CHST11: variants seen among roughly 807,000 people sequenced by gnomAD.
CHST11 encodes carbohydrate sulfotransferase 11, also known as C4S-1.
In CHST11, 9 loss-of-function variants were observed where a neutral mutation model predicts 30.4. The observed-to-expected ratio is 0.30, with a 90% CI of 0.18 to 0.52. CHST11 has a LOEUF of 0.52. CHST11 is among the 20% of genes least tolerant of loss of function. CHST11 has a pLI of 0.97. For missense variants in CHST11, 348 were observed against 460.6 expected (o/e 0.76, Z 2.24); for synonymous variants, 152 against 187.8 (o/e 0.81, Z 1.56).
chr12:104,750,832 T>G (rs1359029736), intron 2 of CHST11, among the ~76,000 whole-genome samples: 3 of 152,210 alleles, frequency 2.0e-5, no homozygotes, highest in Non-Finnish European at 1.5e-5. Context: ...AGGTGCTTAC[T>G]GTCACCTGAA....
At chr12:104,721,742 G>T (rs968599990) in intron 2 of CHST11, among the ~76,000 whole-genome samples, 3 of 152,128 alleles carry the variant, frequency 2.0e-5, no homozygotes, top group Non-Finnish European at 4.4e-5. Flanking sequence ...TTCACTGAAA[G>T]AACCACTATA....
chr12:104,605,152 C>CA (rs3039180), intron 2 of CHST11, among the ~76,000 whole-genome samples: 1,309 of 93,412 alleles, frequency 0.014, 10 homozygotes, highest in Middle Eastern at 0.063. Flanking sequence ...ATCCCCTCTC[C>CA]AAAAAAAAAA....
intron 2 of CHST11, among the ~76,000 whole-genome samples, chr12:104,712,616 C>G (rs2040096537): frequency 6.6e-6 from 1 of 152,130 alleles, no homozygotes; most frequent in Non-Finnish European, 1.5e-5. Context: ...AAGGAGCTGG[C>G]CACGTCTACA....
At chr12:104,512,486 G>T (rs2037975163) in intron 1 of CHST11, among the ~76,000 whole-genome samples, 1 of 152,200 alleles carries the variant, frequency 6.6e-6, no homozygotes, top group African/African-American at 2.4e-5. Flanking sequence ...AGGCCTTAGA[G>T]TTGGGGTGAT....
chr12:104,695,828 G>A (rs312144), intron 2 of CHST11, among the ~76,000 whole-genome samples: 46,518 of 152,002 alleles, frequency 0.31, 7,308 homozygotes, highest in Non-Finnish European at 0.36. Context: ...TAACTTGGAC[G>A]TGACGCTTCA....
intron 2 of CHST11, among the ~76,000 whole-genome samples, chr12:104,682,026 G>A (rs2039802035): frequency 6.6e-6 from 1 of 151,808 alleles, no homozygotes; most frequent in East Asian, 1.9e-4. Flanking sequence ...GTAGAGACGG[G>A]GTTTCACCGT....
intron 1 of CHST11, among the ~76,000 whole-genome samples, chr12:104,572,896 T>A (rs969670329): frequency 6.6e-6 from 1 of 152,100 alleles, no homozygotes; most frequent in Non-Finnish European, 1.5e-5. Flanking sequence ...ATAAAGGGTA[T>A]TCAATTAGGA....
intron 2 of CHST11, among the ~76,000 whole-genome samples, chr12:104,688,057 C>A (rs2039864792): frequency 6.6e-6 from 1 of 152,158 alleles, no homozygotes; most frequent in Non-Finnish European, 1.5e-5. Context: ...CCTTCTGATT[C>A]TTAGAAAACG....
chr12:104,630,265 C>T (rs185021448), intron 2 of CHST11, among the ~76,000 whole-genome samples: 1 of 152,094 alleles, frequency 6.6e-6, no homozygotes, highest in Non-Finnish European at 1.5e-5. Context: ...AGAATTCTGC[C>T]TACCACACTA....
At chr12:104,559,892 T>G (rs1014887511) in intron 1 of CHST11, among the ~76,000 whole-genome samples, 2 of 152,092 alleles carry the variant, frequency 1.3e-5, no homozygotes, top group Non-Finnish European at 2.9e-5. Flanking sequence ...GTAATTGTGG[T>G]TTTTGCCATT....
At chr12:104,614,588 A>G (rs1423376508) in intron 2 of CHST11, among the ~76,000 whole-genome samples, 3 of 152,252 alleles carry the variant, frequency 2.0e-5, no homozygotes, top group Middle Eastern at 6.8e-3. Flanking sequence ...AGTTTAATAC[A>G]TGACGTTGGA....
chr12:104,614,898 C>G lies in CHST11; in HGVS notation c.204+12907C>G, dbSNP rs1325968360. 3.3e-5 allele frequency among the ~76,000 whole-genome samples: 5 copies of G among 152,138 alleles called. No homozygotes were observed. The East Asian group carries it at 5.8e-4, about 18-fold the overall frequency. On this transcript the variant is annotated intron_variant, in intron 2 of 2. Transcript: ENST00000303694. Reference sequence around the variant, plus strand: ...GGGCTGAAGCTTTGTCCCTCCTGGGCAGGCGTTCTCCATCCACACCCCTCT... The same window carrying G: ...GGGCTGAAGCTTTGTCCCTCCTGGGGAGGCGTTCTCCATCCACACCCCTCT...
intron 1 of CHST11, among the ~76,000 whole-genome samples, chr12:104,498,548 G>A (rs1263252990): frequency 2.0e-5 from 3 of 152,172 alleles, no homozygotes; most frequent in Non-Finnish European, 4.4e-5. Context: ...TGGTGTTAGC[G>A]CCTCATGACT....
At position 104,660,967 on chromosome 12, in the gene CHST11, T is replaced by C. The variant is rs2039593190; in HGVS notation, c.204+58976T>C. 2.0e-5 allele frequency among the ~76,000 whole-genome samples: 3 copies of C among 152,142 alleles called. No individual in the cohort carries two copies. The South Asian group carries it at 6.2e-4, about 31-fold the overall frequency. On this transcript the variant is annotated intron_variant, in intron 2 of 2. Coordinates refer to ENST00000303694, the MANE Select transcript of CHST11 (RefSeq NM_018413.6). Reference sequence around the variant, plus strand: ...CTCTGCTGCTATTGAGGGCTCAGCATGCAAGAGAAATGAGCCTAGATGACC... The same window carrying C: ...CTCTGCTGCTATTGAGGGCTCAGCACGCAAGAGAAATGAGCCTAGATGACC...
At chr12:104,671,734 A>G (rs905172135) in intron 2 of CHST11, among the ~76,000 whole-genome samples, 3 of 151,718 alleles carry the variant, frequency 2.0e-5, no homozygotes, top group Admixed American at 6.6e-5. Context: ...CCCAATCTCT[A>G]TCTTTCTCTC....
intron 2 of CHST11, among the ~76,000 whole-genome samples, chr12:104,683,478 T>C (rs1460582020): frequency 6.6e-6 from 1 of 152,212 alleles, no homozygotes. Context: ...TAAATCCAGC[T>C]GTGGCTACAC....
At chr12:104,696,348 C>T (rs2039944602) in intron 2 of CHST11, among the ~76,000 whole-genome samples, 1 of 151,844 alleles carries the variant, frequency 6.6e-6, no homozygotes, top group African/African-American at 2.4e-5. Context: ...TAGAAATAAA[C>T]CATCAGGGTC....
chr12:104,689,324 T>G (rs1029399325), intron 2 of CHST11, among the ~76,000 whole-genome samples: 4 of 152,194 alleles, frequency 2.6e-5, no homozygotes, highest in South Asian at 2.1e-4. Flanking sequence ...CGAAATACAG[T>G]GGAAGCTTTT....
At position 104,505,289 on chromosome 12, in the gene CHST11, T is replaced by C. The variant is rs1473238916; in HGVS notation, c.118+47760T>C. On this transcript the variant is annotated intron_variant, in intron 1 of 2. Coordinates refer to ENST00000303694, the MANE Select transcript of CHST11 (RefSeq NM_018413.6). Reference sequence around the variant, plus strand: ...AGGGGTGAGAGTTGCTACTGGCATCTGGTGGGTAGAAGCCAGGGATACTGC... The same window carrying C: ...AGGGGTGAGAGTTGCTACTGGCATCCGGTGGGTAGAAGCCAGGGATACTGC... 5.3e-5 allele frequency among the ~76,000 whole-genome samples: 8 copies of C among 152,274 alleles called. No homozygotes were observed. In the South Asian group the frequency reaches 1.4e-3, roughly 28 times the overall value.
Sources: gnomAD v4.1 joint callset for allele counts (sites outside exome capture counted in the v4.1 genomes callset) on GRCh38, gnomAD v4.1.1 for gene constraint, MANE v1.5 for transcripts, NCBI Gene and HGNC (gene_info 2026-07-23, HGNC 2026-07-21) for gene names.